Variants in ZNF521 observed in about 807,000 individuals in gnomAD.
ZNF521 encodes zinc finger protein 521.
In ZNF521, 14 loss-of-function variants were observed where a neutral mutation model predicts 105.5. The ratio of observed to expected loss-of-function variants is 0.13; its 90% CI spans 0.09 to 0.21. The LOEUF (loss-of-function observed/expected upper bound fraction) is 0.21, where lower values mean the gene tolerates loss of function less well. Among genes scored for constraint, ZNF521 ranks in the 10% least tolerant of loss-of-function variants. ZNF521 has a pLI of 1.00. For synonymous variants in ZNF521, 635 were observed against 606.0 expected, an observed-to-expected ratio of 1.05 and a Z score of -0.70; for missense variants, 1,233 against 1,629.7, an observed-to-expected ratio of 0.76 and a Z score of 4.19.
intron 2 of ZNF521, among the ~76,000 whole-genome samples, chr18:25,342,838 T>C (rs1652411826): frequency 6.6e-6 from 1 of 151,312 alleles, no homozygotes. Context: ...CCTAAATCAT[T>C]AGGAATGCTG....
At chr18:25,116,903 GTATATATACGTATATCTATGTA>G (rs1343887391) in intron 5 of ZNF521, among the ~76,000 whole-genome samples, 1,630 of 133,976 alleles carry the variant, frequency 0.012, 28 homozygotes, top group African/African-American at 0.044. Flanking sequence ...ATATATATGT[GTATATATACGTATATCTATGTA>G]TATATATACG....
At chr18:25,280,913 A>AG (rs1240965683) in intron 3 of ZNF521, among the ~76,000 whole-genome samples, 1 of 152,158 alleles carries the variant, frequency 6.6e-6, no homozygotes, top group African/African-American at 2.4e-5. Context: ...CTCATGACAA[A>AG]GGCTTCTAAA....
Position 25,322,102 on chromosome 18 carries a change from T to C in ZNF521, c.126A>G (p.Glu42=), listed in dbSNP as rs747968220. The change falls in exon 3 of 8, where the codon GAA becomes GAG. Residue 42 remains glutamate, a synonymous_variant. Coordinates refer to ENST00000361524, the MANE Select transcript of ZNF521 (RefSeq NM_015461.3). Reference sequence around the variant, plus strand: ...TGTCACAGCTGTGCACAGCTTCGTCTTCCAACTCCTCCCCGTCTTCCGGCC... The same window carrying C: ...TGTCACAGCTGTGCACAGCTTCGTCCTCCAACTCCTCCCCGTCTTCCGGCC... ...KKRPEDGEEL[E]DEAVHSCDSC... 6.2e-7 allele frequency: 1 copy of C among 1,614,224 alleles called. No homozygotes were observed. The highest frequency in any genetic ancestry group is 8.5e-7 in the Non-Finnish European group (1 of 1,180,040).
intron 5 of ZNF521, among the ~76,000 whole-genome samples, chr18:25,124,335 T>G (rs980599865): frequency 2.6e-5 from 4 of 152,146 alleles, no homozygotes; most frequent in Non-Finnish European, 5.9e-5. Flanking sequence ...TAACAACAGC[T>G]GCAGTCCTGC....
chr18:25,338,207 C>T (rs953964685), intron 2 of ZNF521, among the ~76,000 whole-genome samples: 2 of 150,220 alleles, frequency 1.3e-5, no homozygotes, highest in African/African-American at 4.9e-5. Context: ...ACCTTTCTTA[C>T]AGAATTACGT....
rs1451301256 is a variant in ZNF521 at position 25,322,072 on chromosome 18, G to T, written c.156C>A (p.Cys52Ter). The T allele has an allele frequency of 6.2e-7, 1 of 1,614,118 alleles. No individual in the cohort carries two copies. The highest frequency in any genetic ancestry group is 8.5e-7 in the Non-Finnish European group (1 of 1,179,980). Residue 52 changes from cysteine to a stop codon, truncating the protein, a stop_gained, in exon 3 of 8, where the codon TGC (cysteine) becomes TGA (stop). Transcript: ENST00000361524. LOFTEE classifies it high-confidence loss of function. ...EDEAVHSCDS[C>*]LQVFESLSDI... ...CGCTCAGCGATTCAAACACCTGGAG[G>T]CAGCTGTCACAGCTGTGCACAGCTT...
intron 5 of ZNF521, among the ~76,000 whole-genome samples, chr18:25,188,400 T>C (rs1270095098): frequency 6.6e-6 from 1 of 152,190 alleles, no homozygotes; most frequent in African/African-American, 2.4e-5. Context: ...AAATAACCTA[T>C]GGAAATAGGT....
intron 3 of ZNF521, among the ~76,000 whole-genome samples, chr18:25,247,841 G>A (rs750750610): frequency 2.0e-5 from 3 of 152,134 alleles, no homozygotes; most frequent in Non-Finnish European, 2.9e-5. Context: ...AAAACCTAAA[G>A]TGAAGGAGTA....
At chr18:25,260,312 G>A (rs1482781340) in intron 3 of ZNF521, among the ~76,000 whole-genome samples, 1 of 152,112 alleles carries the variant, frequency 6.6e-6, no homozygotes, top group Non-Finnish European at 1.5e-5. Flanking sequence ...TTGGCCAGAA[G>A]GATTAAGTAA....
chr18:25,085,949 AC>A (rs752145276), intron 7 of ZNF521, among the ~76,000 whole-genome samples: 1 of 151,992 alleles, frequency 6.6e-6, no homozygotes, highest in Non-Finnish European at 1.5e-5. Context: ...TATTATTCTC[AC>A]CTTGATAGAA....
Position 25,191,238 on chromosome 18 carries a change from C to T in ZNF521, c.3658+3922G>A, listed in dbSNP as rs115838011. 9.2e-3 allele frequency among the ~76,000 whole-genome samples: 1,401 copies of T among 152,186 alleles called. 25 individuals carry two copies. Among genetic ancestry groups the T allele is most frequent in the African/African-American group, 0.033 (1,362 of 41,520 alleles). ...TCTAAGTATATTTTAAAAAATAATC[C>T]TTATGTAAATGGCTTGTACCTATTC... is the stretch of plus-strand genomic sequence containing the variant. On this transcript the variant is annotated intron_variant, in intron 5 of 7. Coordinates refer to ENST00000361524, the MANE Select transcript of ZNF521 (RefSeq NM_015461.3).
chr18:25,088,224 T>TTTTC lies in ZNF521; in HGVS notation c.3906+1240_3906+1241insGAAA, dbSNP rs1567956294. On this transcript the variant is annotated intron_variant, in intron 7 of 7. Coordinates refer to ENST00000361524, the MANE Select transcript of ZNF521 (RefSeq NM_015461.3). The stretch of plus-strand genomic sequence containing the variant: ...GAATAATTTTCTTTTCTTTTCTTTT[T>TTTTC]TTTTTTTTTGAGACAGAGTCTCGCT... Among the ~76,000 whole-genome samples the TTTTC allele has an allele frequency of 7.9e-5, 12 of 151,448 alleles. No individual in the cohort carries two copies. The East Asian group carries it at 1.6e-3, about 20-fold the overall frequency.
intron 7 of ZNF521, among the ~76,000 whole-genome samples, chr18:25,068,358 A>G (rs1329791491): frequency 6.6e-6 from 1 of 152,150 alleles, no homozygotes; most frequent in East Asian, 1.9e-4. Context: ...CTTGGGTTGG[A>G]CCTTTATCCA....
At chr18:25,213,658 G>A (rs1010761814) in intron 4 of ZNF521, among the ~76,000 whole-genome samples, 1 of 152,038 alleles carries the variant, frequency 6.6e-6, no homozygotes, top group Non-Finnish European at 1.5e-5. Context: ...TTCATCAAAT[G>A]AACAAAGGTA....
chr18:25,315,167 C>G (rs1912532699), intron 3 of ZNF521, among the ~76,000 whole-genome samples: 1 of 152,172 alleles, frequency 6.6e-6, no homozygotes, highest in South Asian at 2.1e-4. Flanking sequence ...ATCAGAGAGT[C>G]CCAACAGCAT....
chr18:25,288,963 T>C (rs962449417), intron 3 of ZNF521, among the ~76,000 whole-genome samples: 10 of 152,228 alleles, frequency 6.6e-5, no homozygotes, highest in South Asian at 2.1e-4. Flanking sequence ...CTTAAGGCTA[T>C]TGATAATAAA....
At chr18:25,120,123 A>G (rs2034404365) in intron 5 of ZNF521, among the ~76,000 whole-genome samples, 1 of 152,222 alleles carries the variant, frequency 6.6e-6, no homozygotes, top group Non-Finnish European at 1.5e-5. Flanking sequence ...GAACTTATTA[A>G]AAAAGGAAGG....
Position 25,225,775 on chromosome 18 carries a change from C to T in ZNF521, c.2143G>A (p.Asp715Asn). ...SVDDLQKHLL[D>N]MHTFVFFRCT... The stretch of plus-strand genomic sequence containing the variant: ...CGAAAGAAGACAAAGGTGTGCATGT[C>T]CAGCAGGTGTTTCTGAAGGTCATCC... The change falls in exon 4 of 8, where the codon GAC (aspartate) becomes AAC (asparagine). Residue 715 changes from aspartate to asparagine, a missense_variant. Asp to Asn is a conservative substitution (Grantham distance 23, BLOSUM62 1). Transcript: ENST00000361524. The surrounding 1 kb of genome is among the most constrained non-coding windows in gnomAD (Gnocchi z 5.6). 1.2e-6 allele frequency: 2 copies of T among 1,614,222 alleles called. No homozygotes were observed. The highest frequency in any genetic ancestry group is 8.5e-7 in the Non-Finnish European group (1 of 1,180,036).
chr18:25,335,607 C>T (rs752923580), intron 2 of ZNF521, among the ~76,000 whole-genome samples: 14 of 152,182 alleles, frequency 9.2e-5, no homozygotes, highest in African/African-American at 1.4e-4. Context: ...AAAGTGGCCT[C>T]GCTCAATCCT....
Sources: gnomAD v4.1 joint callset for allele counts (sites outside exome capture counted in the v4.1 genomes callset) on GRCh38, gnomAD v4.1.1 for gene constraint, Gnocchi (gnomAD v3.1) non-coding constraint, MANE v1.5 for transcripts, NCBI Gene and HGNC (gene_info 2026-07-23, HGNC 2026-07-21) for gene names.